The following ROBO2 variants were observed in gnomAD, a reference collection of about 807,000 sequenced individuals.
ROBO2 encodes roundabout guidance receptor 2.
Under a neutral mutation model 160.8 loss-of-function variants are expected in ROBO2, and 53 were observed. The ratio of observed to expected loss-of-function variants is 0.33; its 90% confidence interval spans 0.26 to 0.41. ROBO2 has a LOEUF of 0.41. ROBO2 is among the 10% of genes least tolerant of loss of function. ROBO2 has a pLI of 1.00. For synonymous variants in ROBO2, 664 were observed against 611.7 expected, an observed-to-expected ratio of 1.09 and a Z score of -1.26; for missense variants, 1,577 against 1,722.4, an observed-to-expected ratio of 0.92 and a Z score of 1.49.
intron 2 of ROBO2, among the ~76,000 whole-genome samples, chr3:77,360,363 A>G (rs886463498): frequency 6.6e-6 from 1 of 151,688 alleles, no homozygotes; most frequent in African/African-American, 2.4e-5. Context: ...CAGTGATTAT[A>G]AATTTTGAAT....
intron 2 of ROBO2, among the ~76,000 whole-genome samples, chr3:76,079,451 AAATT>A (rs2068745334): frequency 6.6e-6 from 1 of 150,458 alleles, no homozygotes; most frequent in African/African-American, 2.4e-5. Flanking sequence ...TAAACATTGA[AAATT>A]TATTTATTTA....
intron 2 of ROBO2, among the ~76,000 whole-genome samples, chr3:77,111,330 T>A (rs1043120710): frequency 6.6e-6 from 1 of 152,112 alleles, no homozygotes; most frequent in Admixed American, 6.5e-5. Context: ...ACTAGTAGTA[T>A]CTCTCTTAGA....
chr3:75,906,743 A>C (rs34678735), exon 1 of ROBO2: 2,978 of 152,374 alleles, frequency 0.02, 45 homozygotes, highest in Non-Finnish European at 0.031. Flanking sequence ...CACCCGGAGG[A>C]GGGAGCGCGG....
intron 2 of ROBO2, among the ~76,000 whole-genome samples, chr3:77,020,936 G>A (rs2062593265): frequency 6.6e-6 from 1 of 152,088 alleles, no homozygotes; most frequent in Non-Finnish European, 1.5e-5. Context: ...CAGGTGTGGT[G>A]GCTCATGCCT....
intron 2 of ROBO2, among the ~76,000 whole-genome samples, chr3:76,320,624 C>G (rs1559758813): frequency 6.6e-6 from 1 of 152,166 alleles, no homozygotes. Flanking sequence ...TATTTTAGGT[C>G]AATCAGAAAT....
chr3:77,042,905 A>G (rs1405377139), intron 1 of ROBO2, among the ~76,000 whole-genome samples: 1 of 152,216 alleles, frequency 6.6e-6, no homozygotes, highest in Non-Finnish European at 1.5e-5. Flanking sequence ...AAAATTGAGG[A>G]GTTGACACTG....
At chr3:76,202,447 A>G (rs1702581077) in intron 2 of ROBO2, among the ~76,000 whole-genome samples, 1 of 152,240 alleles carries the variant, frequency 6.6e-6, no homozygotes, top group African/African-American at 2.4e-5. Context: ...TAAATCATGT[A>G]CCTTGTAGAC....
At chr3:76,689,892 G>T (rs1252845042) in intron 2 of ROBO2, among the ~76,000 whole-genome samples, 1 of 151,896 alleles carries the variant, frequency 6.6e-6, no homozygotes, top group Non-Finnish European at 1.5e-5. Flanking sequence ...CTTTGCTTAC[G>T]TTTCCCAACA....
At chr3:77,611,139 A>C (rs1218932401) in intron 21 of ROBO2, among the ~76,000 whole-genome samples, 1 of 152,056 alleles carries the variant, frequency 6.6e-6, no homozygotes, top group Non-Finnish European at 1.5e-5. Context: ...TCTACTAAAA[A>C]TACAAAAAAT....
At chr3:77,226,641 T>G (rs958362347) in intron 2 of ROBO2, among the ~76,000 whole-genome samples, 1 of 152,102 alleles carries the variant, frequency 6.6e-6, no homozygotes, top group African/African-American at 2.4e-5. Context: ...AAACTCAAGG[T>G]AAGCTGGAAA....
chr3:76,322,672 T>G (rs141909009), intron 2 of ROBO2, among the ~76,000 whole-genome samples: 1 of 152,270 alleles, frequency 6.6e-6, no homozygotes, highest in Non-Finnish European at 1.5e-5. Flanking sequence ...TTACCGGAAG[T>G]CAGTTTTTCT....
chr3:77,099,312 G>T (rs1030040798), intron 2 of ROBO2, among the ~76,000 whole-genome samples: 1 of 151,852 alleles, frequency 6.6e-6, no homozygotes, highest in Non-Finnish European at 1.5e-5. Context: ...TGATCCACTC[G>T]CCTACAATTT....
At chr3:75,961,932 T>A (rs1948928772) in intron 2 of ROBO2, among the ~76,000 whole-genome samples, 1 of 151,464 alleles carries the variant, frequency 6.6e-6, no homozygotes, top group Admixed American at 6.6e-5. Flanking sequence ...TTGATTAATA[T>A]GTAGCAATCA....
At chr3:76,202,016 A>C (rs1702559364) in intron 2 of ROBO2, among the ~76,000 whole-genome samples, 1 of 152,202 alleles carries the variant, frequency 6.6e-6, no homozygotes, top group Non-Finnish European at 1.5e-5. Context: ...GCAGTGGATG[A>C]AAATGGAACA....
chr3:77,467,012 A>G (rs1165086638), intron 2 of ROBO2, among the ~76,000 whole-genome samples: 1 of 152,192 alleles, frequency 6.6e-6, no homozygotes, highest in Non-Finnish European at 1.5e-5. Flanking sequence ...ACCTCTGTGA[A>G]CTGTGCAGTG....
intron 2 of ROBO2, among the ~76,000 whole-genome samples, chr3:77,382,055 A>G (rs531198257): frequency 2.0e-4 from 30 of 152,250 alleles, no homozygotes; most frequent in African/African-American, 7.2e-4. Flanking sequence ...AGAGAACCTA[A>G]AATCTCTGGA....
At chr3:76,596,829 T>C (rs1265532244) in intron 2 of ROBO2, among the ~76,000 whole-genome samples, 1 of 152,146 alleles carries the variant, frequency 6.6e-6, no homozygotes, top group Non-Finnish European at 1.5e-5. Flanking sequence ...GTCATTATAA[T>C]GCCAAATATT....
chr3:76,202,537 A>G (rs914982081), intron 2 of ROBO2, among the ~76,000 whole-genome samples: 3 of 152,164 alleles, frequency 2.0e-5, no homozygotes, highest in African/African-American at 7.2e-5. Flanking sequence ...CATTTGTTGA[A>G]TTTATTAAAT....
At position 76,287,305 on chromosome 3, in the gene ROBO2, T is replaced by C. The variant is rs533694946; in HGVS notation, c.109+349703T>C. ...TTCTTTCTTTTTTTTCTTTTCTTTT[T>C]TTTTTTTTGAGACAGAGTCTCGCTC... On this transcript the variant is annotated intron_variant, in intron 2 of 26. Coordinates refer to the ROBO2 transcript ENST00000487694. Among the ~76,000 whole-genome samples the C allele has an allele frequency of 1.7e-3, 254 of 151,612 alleles. 1 individual carries two copies. The highest frequency in any genetic ancestry group is 0.014 in the Middle Eastern group (4 of 294).
Sources: gnomAD v4.1 joint callset for allele counts (sites outside exome capture counted in the v4.1 genomes callset) on GRCh38, gnomAD v4.1.1 for gene constraint, MANE v1.5 for transcripts, NCBI Gene and HGNC (gene_info 2026-07-23, HGNC 2026-07-21) for gene names.